HCRTR2: variants seen among roughly 807,000 people sequenced by gnomAD.
HCRTR2 encodes the protein orexin receptor type 2.
In HCRTR2, 22 loss-of-function variants were observed where a neutral mutation model predicts 49.0. The ratio of observed to expected loss-of-function variants is 0.45; its 90% CI spans 0.32 to 0.64. The LOEUF (loss-of-function observed/expected upper bound fraction) is 0.64, where lower values mean the gene tolerates loss of function less well. Ranked by LOEUF, HCRTR2 falls within the 30% of genes least tolerant of loss-of-function variation. The pLI is 0.04. For missense variants in HCRTR2, 491 were observed against 559.4 expected (o/e 0.88, Z 1.23); for synonymous variants, 236 against 205.3 (o/e 1.15, Z -1.28).
At chr6:55,147,310 G>T (rs1329538961) in intron 1 of HCRTR2, among the ~76,000 whole-genome samples, 1 of 151,940 alleles carries the variant, frequency 6.6e-6, no homozygotes, top group Non-Finnish European at 1.5e-5. Context: ...ATACTATGTT[G>T]TTACTCTTTC....
intron 1 of HCRTR2, among the ~76,000 whole-genome samples, chr6:55,175,985 T>C (rs922115106): frequency 6.6e-6 from 1 of 152,034 alleles, no homozygotes; most frequent in Non-Finnish European, 1.5e-5. Flanking sequence ...AAGAAGAAGG[T>C]GAGTGAGGTG....
chr6:55,201,104 C>T (rs1765506032), intron 1 of HCRTR2, among the ~76,000 whole-genome samples: 1 of 152,018 alleles, frequency 6.6e-6, no homozygotes, highest in South Asian at 2.1e-4. Context: ...GTAGGTTCTC[C>T]CAGATTTCAG....
At chr6:55,270,374 G>A (rs746125816) in intron 4 of HCRTR2, among the ~76,000 whole-genome samples, 18 of 152,154 alleles carry the variant, frequency 1.2e-4, no homozygotes, top group Non-Finnish European at 2.4e-4. Flanking sequence ...TCTTGAGTCA[G>A]TTTGGAACTA....
At chr6:55,209,439 T>C (rs1765659076) in intron 1 of HCRTR2, among the ~76,000 whole-genome samples, 1 of 152,236 alleles carries the variant, frequency 6.6e-6, no homozygotes, top group African/African-American at 2.4e-5. Flanking sequence ...GTTTTTGTTT[T>C]TCCCCATAAG....
At chr6:55,200,569 C>A (rs1445117738) in intron 1 of HCRTR2, among the ~76,000 whole-genome samples, 1 of 152,150 alleles carries the variant, frequency 6.6e-6, no homozygotes, top group African/African-American at 2.4e-5. Flanking sequence ...CTATCAATTG[C>A]TTCATAAATG....
chr6:55,138,977 G>T (rs1284245270), intron 1 of HCRTR2, among the ~76,000 whole-genome samples: 2 of 152,194 alleles, frequency 1.3e-5, no homozygotes, highest in East Asian at 3.8e-4. Context: ...TGAGGAGTTG[G>T]TAGTAAGCAG....
chr6:55,272,597 CTT>C (rs35741450), intron 4 of HCRTR2, among the ~76,000 whole-genome samples: 47 of 144,908 alleles, frequency 3.2e-4, no homozygotes, highest in Admixed American at 3.0e-3. Context: ...AAATTGAAGA[CTT>C]TTTTTTTTTT....
intron 1 of HCRTR2, among the ~76,000 whole-genome samples, 197 bp downstream of exon 1, chr6:55,175,007 G>A (rs890549256): frequency 6.6e-6 from 1 of 152,124 alleles, no homozygotes; most frequent in African/African-American, 2.4e-5. Context: ...GCCCTGGAAA[G>A]GTTATTCCCT....
At chr6:55,162,789 C>A (rs1299245076) in intron 1 of HCRTR2, among the ~76,000 whole-genome samples, 1 of 152,180 alleles carries the variant, frequency 6.6e-6, no homozygotes, top group East Asian at 1.9e-4. Flanking sequence ...TCAAGGAGAA[C>A]TACAAACCAC....
At chr6:55,246,123 G>A (rs767778964) in intron 1 of HCRTR2, among the ~76,000 whole-genome samples, 6 of 152,022 alleles carry the variant, frequency 3.9e-5, no homozygotes, top group Non-Finnish European at 8.8e-5. Context: ...AATAGGAAGA[G>A]ACTAAGAAGA....
At chr6:55,231,822 T>A (rs910531438) in intron 1 of HCRTR2, among the ~76,000 whole-genome samples, 1 of 152,190 alleles carries the variant, frequency 6.6e-6, no homozygotes, top group African/African-American at 2.4e-5. Context: ...CTATTTTTAA[T>A]CATACATTTT....
At chr6:55,170,240 T>C (rs956984190), upstream of HCRTR2, among the ~76,000 whole-genome samples, 4 of 148,964 alleles carry the variant, frequency 2.7e-5, no homozygotes, top group African/African-American at 9.8e-5. Flanking sequence ...ACTTATACAA[T>C]ATATTTATTT....
At chr6:55,186,166 A>G (rs1158810923) in intron 1 of HCRTR2, among the ~76,000 whole-genome samples, 4 of 152,196 alleles carry the variant, frequency 2.6e-5, no homozygotes, top group African/African-American at 7.2e-5. Flanking sequence ...CTGTTTGCCA[A>G]TGTATCCTCA....
At chr6:55,262,763 G>T (rs1030503112) in intron 3 of HCRTR2, among the ~76,000 whole-genome samples, 2 of 47,350 alleles carry the variant, frequency 4.2e-5, no homozygotes, top group African/African-American at 1.5e-4. Context: ...TATTAGGTAG[G>T]GAATATATAT....
chr6:55,195,366 A>G (rs1765390600), intron 1 of HCRTR2, among the ~76,000 whole-genome samples: 1 of 152,184 alleles, frequency 6.6e-6, no homozygotes, highest in Admixed American at 6.5e-5. Context: ...GTTCTAGGTA[A>G]TCACTGAAGA....
intron 1 of HCRTR2, among the ~76,000 whole-genome samples, chr6:55,154,717 TATAA>T (rs140648037): frequency 0.15 from 21,590 of 146,288 alleles, 2,069 homozygotes; most frequent in Non-Finnish European, 0.22. Flanking sequence ...AATAAATAAA[TATAA>T]ATAAATAAAT....
intron 1 of HCRTR2, among the ~76,000 whole-genome samples, chr6:55,205,371 G>T (rs532172999): frequency 6.6e-6 from 1 of 152,264 alleles, no homozygotes; most frequent in Admixed American, 6.5e-5. Context: ...GGGGAAGAAG[G>T]AATCTAAGGT....
At chr6:55,278,806 A>G (rs1767131936) in intron 5 of HCRTR2, among the ~76,000 whole-genome samples, 1 of 150,832 alleles carries the variant, frequency 6.6e-6, no homozygotes. Context: ...CCTGCTAGAT[A>G]CTCTCTTCTG....
chr6:55,224,274 C>A (rs1765953531), intron 1 of HCRTR2, among the ~76,000 whole-genome samples: 1 of 152,084 alleles, frequency 6.6e-6, no homozygotes, highest in Non-Finnish European at 1.5e-5. Flanking sequence ...CAGCTTTATT[C>A]ACAATAGCCA....
Sources: gnomAD v4.1 joint callset for allele counts (sites outside exome capture counted in the v4.1 genomes callset) on GRCh38, gnomAD v4.1.1 for gene constraint, MANE v1.5 for transcripts, NCBI Gene and HGNC (gene_info 2026-07-23, HGNC 2026-07-21) for gene names.